Variants in CNGA1 observed in about 807,000 individuals in gnomAD.
CNGA1 encodes cyclic nucleotide gated channel subunit alpha 1, also known as cyclic nucleotide-gated channel alpha-1.
A neutral mutation model predicts 69.7 loss-of-function variants in CNGA1; 53 were observed. The ratio of observed to expected loss-of-function variants is 0.76; its 90% CI spans 0.61 to 0.96. CNGA1 has a LOEUF of 0.96. Among genes scored for constraint, CNGA1 ranks in the 40% least tolerant of loss-of-function variants. The pLI is 0.00. For missense variants in CNGA1, 739 were observed against 811.2 expected (o/e 0.91, Z 1.08); for synonymous variants, 249 against 283.5 (o/e 0.88, Z 1.22).
chr4:47,967,043 C>T (rs554413860), intron 3 of CNGA1, among the ~76,000 whole-genome samples: 76 of 152,290 alleles, frequency 5.0e-4, no homozygotes, highest in African/African-American at 1.8e-3. Context: ...TGGCTCACAC[C>T]TGTAATCCCA....
At chr4:48,012,525 T>G (rs1445863890) in intron 1 of CNGA1, among the ~76,000 whole-genome samples, 2 of 151,084 alleles carry the variant, frequency 1.3e-5, no homozygotes, top group Admixed American at 1.3e-4. Context: ...CTCTTTTTCC[T>G]TTTGCTGGCC....
intron 10 of CNGA1, among the ~76,000 whole-genome samples, chr4:47,938,550 G>A (rs948109660): frequency 2.6e-5 from 4 of 151,912 alleles, no homozygotes; most frequent in East Asian, 1.9e-4. Flanking sequence ...GTGCCACCAC[G>A]CCCAGCTAAT....
In CNGA1 at chr4:47,936,959, A is replaced by G; in HGVS notation, c.1523T>C (p.Ile508Thr). 4 of 1,613,892 alleles carry G rather than the reference A, an allele frequency of 2.5e-6. No homozygotes were observed. In the South Asian group the frequency reaches 4.4e-5, roughly 18 times the overall value. Residue 508 changes from isoleucine to threonine, a missense_variant, in exon 11 of 11, where the codon ATC becomes ACC. Ile to Thr is a moderately conservative substitution (Grantham distance 89). Coordinates refer to ENST00000514170, the MANE Select transcript of CNGA1 (RefSeq NM_001379270.1). ...PGDYICKKGD[I>T]GREMYIIKEG... ...CTTGATAATGTACATCTCTCGTCCG[A>G]TATCCCCTTTCTTGCAAATATAATC... is the stretch of plus-strand genomic sequence containing the variant.
At chr4:47,944,132 A>G (rs1476903798) in intron 6 of CNGA1, among the ~76,000 whole-genome samples, 3 of 152,226 alleles carry the variant, frequency 2.0e-5, no homozygotes, top group African/African-American at 7.2e-5. Flanking sequence ...TCTTGTTACC[A>G]CTAGGATAGT....
intron 2 of CNGA1, among the ~76,000 whole-genome samples, chr4:48,007,089 G>A (rs1464254122): frequency 6.6e-6 from 1 of 150,988 alleles, no homozygotes; most frequent in Non-Finnish European, 1.5e-5. Flanking sequence ...TTCTTTAAGA[G>A]AGGACACTTA....
At chr4:47,946,348 T>A (rs1739397330) in intron 6 of CNGA1, among the ~76,000 whole-genome samples, 1 of 152,218 alleles carries the variant, frequency 6.6e-6, no homozygotes, top group African/African-American at 2.4e-5. Flanking sequence ...ACTGCATACC[T>A]AAGGTTCTGG....
intron 2 of CNGA1, among the ~76,000 whole-genome samples, chr4:48,000,651 A>G (rs553260897): frequency 6.6e-6 from 1 of 151,344 alleles, no homozygotes; most frequent in South Asian, 2.1e-4. Context: ...CACAGGTGTG[A>G]GCCACCGTGC....
chr4:48,009,014 G>C (rs1715035916), intron 2 of CNGA1, among the ~76,000 whole-genome samples: 1 of 152,130 alleles, frequency 6.6e-6, no homozygotes, highest in Non-Finnish European at 1.5e-5. Context: ...TGGGTTTATA[G>C]GTTTGTAACC....
At chr4:47,977,955 T>C (rs1334271515) in intron 3 of CNGA1, among the ~76,000 whole-genome samples, 1 of 152,066 alleles carries the variant, frequency 6.6e-6, no homozygotes, top group Non-Finnish European at 1.5e-5. Flanking sequence ...GCCTCCCAAG[T>C]AGCTGGGATT....
In CNGA1 at chr4:47,936,954, G is replaced by A. The variant is rs199584830; in HGVS notation, c.1528C>T (p.Arg510Ter). 132 of 1,613,692 alleles carry A rather than the reference G, an allele frequency of 8.2e-5. No individual in the cohort carries two copies. The highest frequency in any genetic ancestry group is 1.0e-4 in the Non-Finnish European group (119 of 1,179,866). Residue 510 changes from arginine to a stop codon, truncating the protein, a stop_gained, in exon 11 of 11, where the codon CGA becomes TGA. Coordinates refer to ENST00000514170, the MANE Select transcript of CNGA1 (RefSeq NM_001379270.1). LOFTEE classifies it high-confidence loss of function. ...DYICKKGDIGREMYIIKEGKL... is the reference protein window; with the variant it reads ...DYICKKGDIG The stretch of plus-strand genomic sequence containing the variant: ...CCTTCCTTGATAATGTACATCTCTC[G>A]TCCGATATCCCCTTTCTTGCAAATA...
intron 2 of CNGA1, among the ~76,000 whole-genome samples, chr4:48,008,618 ATC>A (rs906535960): frequency 3.3e-5 from 5 of 152,042 alleles, no homozygotes; most frequent in African/African-American, 1.2e-4. Context: ...ATCCCATTAC[ATC>A]TGTCTATTTT....
At chr4:47,942,186 A>G in intron 8 of CNGA1, 38 bp from the exon 9 acceptor site, 1 of 1,226,172 alleles carries the variant, frequency 8.2e-7, no homozygotes, top group Non-Finnish European at 1.2e-6. Flanking sequence ...AGTTACCAAG[A>G]TACAAGAACA....
intron 1 of CNGA1, among the ~76,000 whole-genome samples, chr4:48,013,620 G>T (rs541441761): frequency 6.6e-6 from 1 of 152,326 alleles, no homozygotes; most frequent in South Asian, 2.1e-4. Context: ...GTGAGCAGAG[G>T]TGTGAGTTTG....
chr4:47,949,665 A>T (rs2054380238), intron 6 of CNGA1, among the ~76,000 whole-genome samples, 168 bp downstream of exon 6: 17 of 152,242 alleles, frequency 1.1e-4, no homozygotes, highest in Admixed American at 1.1e-3. Context: ...GTATTCAAAT[A>T]AATGAATGAA....
intron 5 of CNGA1, among the ~76,000 whole-genome samples, 154 bp downstream of exon 5, chr4:47,951,199 A>G (rs1739717302): frequency 6.6e-6 from 1 of 152,260 alleles, no homozygotes; most frequent in Non-Finnish European, 1.5e-5. Context: ...ATTTATGCCT[A>G]GTGTTTGATT....
chr4:47,987,123 G>A (rs1742012076), intron 2 of CNGA1, among the ~76,000 whole-genome samples: 1 of 152,022 alleles, frequency 6.6e-6, no homozygotes, highest in Non-Finnish European at 1.5e-5. Flanking sequence ...AGCTGCATTG[G>A]ATTATCTATT....
chr4:47,978,816 T>G (rs1741547894), intron 3 of CNGA1, among the ~76,000 whole-genome samples: 1 of 152,202 alleles, frequency 6.6e-6, no homozygotes, highest in Admixed American at 6.5e-5. Flanking sequence ...ATTTTTCTTA[T>G]TTTGTCAAAG....
intron 4 of CNGA1, among the ~76,000 whole-genome samples, 198 bp from the exon 5 acceptor site, chr4:47,951,667 G>C (rs1739748972): frequency 1.3e-5 from 2 of 152,148 alleles, no homozygotes; most frequent in African/African-American, 4.8e-5. Context: ...GCATAATTCA[G>C]TAAAATGCAT....
At position 48,007,040 on chromosome 4, in the gene CNGA1, T is replaced by A. The variant is rs191692986; in HGVS notation, c.-123+3754A>T. Among the ~76,000 whole-genome samples, 838 of 152,154 alleles carry A rather than the reference T, an allele frequency of 5.5e-3. 7 individuals carry two copies. The highest frequency in any genetic ancestry group is 8.2e-3 in the Non-Finnish European group (559 of 67,990). On this transcript the variant is annotated intron_variant, in intron 2 of 10. Coordinates refer to ENST00000514170, the MANE Select transcript of CNGA1 (RefSeq NM_001379270.1). ...TAAGTCATTCATTTAACCAGAGTGA[T>A]AACTCAAGGGTTTGAAAAAAAAAAA...
Sources: allele counts gnomAD v4.1 joint callset (sites outside exome capture counted in the v4.1 genomes callset), GRCh38; gene constraint gnomAD v4.1.1; transcripts MANE v1.5; gene names NCBI Gene and HGNC (gene_info 2026-07-23, HGNC 2026-07-21).